RBFOX1: variants seen among roughly 807,000 people sequenced by gnomAD.
RBFOX1 encodes the protein RNA binding fox-1 homolog 1.
Under a neutral mutation model 57.7 loss-of-function variants are expected in RBFOX1, and 8 were observed. The ratio of observed to expected loss-of-function variants is 0.14; its 90% confidence interval spans 0.08 to 0.25. The LOEUF (loss-of-function observed/expected upper bound fraction) is 0.25. Ranked by LOEUF, RBFOX1 falls within the 10% of genes least tolerant of loss-of-function variation. RBFOX1 has a pLI of 1.00. For missense variants in RBFOX1, 611 were observed against 548.5 expected (o/e 1.11, Z -1.14); for synonymous variants, 326 against 222.4 (o/e 1.47, Z -4.15).
intron 1 of RBFOX1, among the ~76,000 whole-genome samples, chr16:6,062,291 G>GT (rs1555492644): frequency 4.6e-5 from 7 of 151,572 alleles, no homozygotes; most frequent in African/African-American, 1.7e-4. Flanking sequence ...TCCATCTTTA[G>GT]CCCCCCTGCC....
At chr16:6,763,374 C>T (rs950837233) in intron 3 of RBFOX1, among the ~76,000 whole-genome samples, 1 of 152,200 alleles carries the variant, frequency 6.6e-6, no homozygotes, top group African/African-American at 2.4e-5. Context: ...TGTTGGAGAG[C>T]CATCCATTCC....
intron 4 of RBFOX1, among the ~76,000 whole-genome samples, chr16:7,324,622 C>G (rs149172933): frequency 4.6e-5 from 7 of 152,332 alleles, no homozygotes; most frequent in African/African-American, 1.4e-4. Flanking sequence ...GCCAGTCAGT[C>G]TGGCTTTCAG....
intron 4 of RBFOX1, among the ~76,000 whole-genome samples, chr16:7,211,124 G>A (rs1481077589): frequency 6.6e-6 from 1 of 150,756 alleles, no homozygotes; most frequent in Non-Finnish European, 1.5e-5. Context: ...GGGTGCTGTG[G>A]CTCACACCTG....
At chr16:6,977,811 G>T (rs1264426127) in intron 3 of RBFOX1, among the ~76,000 whole-genome samples, 1 of 151,820 alleles carries the variant, frequency 6.6e-6, no homozygotes, top group Non-Finnish European at 1.5e-5. Flanking sequence ...TGGATTGCAG[G>T]CACCTTTGGC....
chr16:5,802,096 G>C (rs1337665475), intron 3 of RBFOX1, among the ~76,000 whole-genome samples: 1 of 152,076 alleles, frequency 6.6e-6, no homozygotes, highest in Non-Finnish European at 1.5e-5. Flanking sequence ...GTAATAAGCT[G>C]TTCTCTGGAG....
intron 1 of RBFOX1, among the ~76,000 whole-genome samples, chr16:5,444,585 A>G (rs1179858422): frequency 1.3e-5 from 2 of 152,184 alleles, no homozygotes; most frequent in Non-Finnish European, 1.5e-5. Context: ...CTTCTCCCAC[A>G]TCCCAGCCCC....
chr16:6,384,105 G>A (rs551299329), intron 2 of RBFOX1, among the ~76,000 whole-genome samples: 49 of 112,936 alleles, frequency 4.3e-4, no homozygotes, highest in Non-Finnish European at 8.5e-4. Context: ...AAATTTGCTT[G>A]TAAAGTTTTG....
chr16:5,745,614 G>C (rs892025587), intron 3 of RBFOX1, among the ~76,000 whole-genome samples: 1 of 152,130 alleles, frequency 6.6e-6, no homozygotes, highest in African/African-American at 2.4e-5. Context: ...GTTGTTTCCT[G>C]ACTTTTTAAT....
chr16:6,460,279 A>T (rs1034854401), intron 2 of RBFOX1, among the ~76,000 whole-genome samples: 1 of 152,080 alleles, frequency 6.6e-6, no homozygotes, highest in Admixed American at 6.6e-5. Flanking sequence ...ACTGTGTCCT[A>T]ATCTCTTCTT....
intron 4 of RBFOX1, among the ~76,000 whole-genome samples, chr16:7,197,925 C>G (rs191465636): frequency 1.3e-3 from 189 of 150,484 alleles, no homozygotes; most frequent in African/African-American, 4.3e-3. Context: ...GGGAGTGTAA[C>G]TGAAAAATGA....
intron 3 of RBFOX1, among the ~76,000 whole-genome samples, chr16:6,713,012 T>C (rs1416604690): frequency 2.0e-5 from 3 of 149,502 alleles, no homozygotes; most frequent in Non-Finnish European, 3.0e-5. Flanking sequence ...ATGTAAGACC[T>C]GCCTTTGCTC....
At chr16:5,877,325 C>G (rs2057639115) in intron 4 of RBFOX1, among the ~76,000 whole-genome samples, 2 of 152,186 alleles carry the variant, frequency 1.3e-5, no homozygotes, top group African/African-American at 2.4e-5. Flanking sequence ...GAATGAAACA[C>G]TTTTTTCTGC....
chr16:6,861,030 G>T (rs925930113), intron 3 of RBFOX1, among the ~76,000 whole-genome samples: 2 of 152,134 alleles, frequency 1.3e-5, no homozygotes, highest in African/African-American at 4.8e-5. Context: ...CCACTGTTAG[G>T]GAGTAGGGGA....
intron 3 of RBFOX1, among the ~76,000 whole-genome samples, chr16:7,025,536 C>G (rs559797199): frequency 1.3e-5 from 2 of 152,264 alleles, no homozygotes; most frequent in Admixed American, 6.5e-5. Context: ...GTTCAAACAC[C>G]TCTGACAAAA....
intron 4 of RBFOX1, among the ~76,000 whole-genome samples, chr16:5,941,528 A>G (rs866069862): frequency 6.6e-6 from 1 of 152,056 alleles, no homozygotes; most frequent in African/African-American, 2.4e-5. Context: ...TGGAAAATAT[A>G]CTAATATTTA....
chr16:6,320,498 TA>T (rs1304953227), intron 2 of RBFOX1, among the ~76,000 whole-genome samples: 1 of 152,008 alleles, frequency 6.6e-6, no homozygotes, highest in African/African-American at 2.4e-5. Context: ...GAAATAAAAA[TA>T]AAATTTAATT....
intron 3 of RBFOX1, among the ~76,000 whole-genome samples, chr16:6,961,134 A>G (rs1400822265): frequency 2.3e-5 from 1 of 43,494 alleles, no homozygotes; most frequent in African/African-American, 7.9e-5. Context: ...TAGAGACTCC[A>G]TCACACACAC....
At chr16:5,691,070 C>T (rs926268692) in intron 3 of RBFOX1, among the ~76,000 whole-genome samples, 7 of 152,200 alleles carry the variant, frequency 4.6e-5, no homozygotes, top group Admixed American at 1.3e-4. Flanking sequence ...AGCTTATTCA[C>T]CCTGACTGTG....
chr16:6,585,134 C>G (rs1412957585), intron 2 of RBFOX1, among the ~76,000 whole-genome samples: 5 of 152,278 alleles, frequency 3.3e-5, no homozygotes, highest in Admixed American at 2.0e-4. Flanking sequence ...CTCTGGCAGC[C>G]TCATGCAAAG....
Sources: allele counts gnomAD v4.1 joint callset (sites outside exome capture counted in the v4.1 genomes callset), GRCh38; gene constraint gnomAD v4.1.1; transcripts MANE v1.5; gene names NCBI Gene and HGNC (gene_info 2026-07-23, HGNC 2026-07-21).